Variants in NMNAT2 observed in about 807,000 individuals in gnomAD.
NMNAT2 encodes nicotinamide/nicotinic acid mononucleotide adenylyltransferase 2.
Under a neutral mutation model 41.6 loss-of-function variants are expected in NMNAT2, and 11 were observed. The ratio of observed to expected loss-of-function variants is 0.26; its 90% CI spans 0.17 to 0.44. The LOEUF (loss-of-function observed/expected upper bound fraction) is 0.44, where lower values mean the gene tolerates loss of function less well. Ranked by LOEUF, NMNAT2 falls within the 20% of genes least tolerant of loss-of-function variation. The probability of loss-of-function intolerance (pLI) is 1.00; values close to 1 mark genes in which losing one functional copy is unlikely to be tolerated. For synonymous variants in NMNAT2, 148 were observed against 151.2 expected, an observed-to-expected ratio of 0.98 and a Z score of 0.16; for missense variants, 288 against 407.7, an observed-to-expected ratio of 0.71 and a Z score of 2.53.
At chr1:183,389,608 T>C (rs374136316) in intron 1 of NMNAT2, among the ~76,000 whole-genome samples, 1 of 151,342 alleles carries the variant, frequency 6.6e-6, no homozygotes, top group Non-Finnish European at 1.5e-5. Flanking sequence ...GGGGGGCACA[T>C]GCCTGTAGTC....
chr1:183,253,904 C>CGTGT (rs139756017), intron 10 of NMNAT2, among the ~76,000 whole-genome samples: 2,962 of 144,320 alleles, frequency 0.021, 41 homozygotes, highest in African/African-American at 0.034. Context: ...GTTCCACTTC[C>CGTGT]GTGTGTGTGT....
At chr1:183,338,404 G>A (rs1228974952) in intron 1 of NMNAT2, among the ~76,000 whole-genome samples, 1 of 152,114 alleles carries the variant, frequency 6.6e-6, no homozygotes, top group Non-Finnish European at 1.5e-5. Flanking sequence ...CAACAGTGTA[G>A]AAATAGCATA....
intron 3 of NMNAT2, among the ~76,000 whole-genome samples, chr1:183,291,245 A>T (rs1023767032): frequency 6.6e-6 from 1 of 151,998 alleles, no homozygotes; most frequent in Non-Finnish European, 1.5e-5. Context: ...GCAGTCATGC[A>T]TCCCCTTAAC....
At chr1:183,349,539 A>G (rs1662999967) in intron 1 of NMNAT2, among the ~76,000 whole-genome samples, 1 of 152,272 alleles carries the variant, frequency 6.6e-6, no homozygotes, top group Non-Finnish European at 1.5e-5. Flanking sequence ...TCTGCATTTT[A>G]CAGTCTGTTT....
At chr1:183,379,641 CAT>C (rs1402029001) in intron 1 of NMNAT2, among the ~76,000 whole-genome samples, 1 of 152,078 alleles carries the variant, frequency 6.6e-6, no homozygotes, top group Non-Finnish European at 1.5e-5. Flanking sequence ...TAAAAAGAGA[CAT>C]ATAAAAACAA....
At chr1:183,344,146 A>G (rs1662876539) in intron 1 of NMNAT2, among the ~76,000 whole-genome samples, 1 of 152,138 alleles carries the variant, frequency 6.6e-6, no homozygotes, top group South Asian at 2.1e-4. Context: ...TTTCATCATC[A>G]TTATACTCAT....
At chr1:183,308,256 G>A (rs1277811241) in intron 1 of NMNAT2, among the ~76,000 whole-genome samples, 3 of 152,206 alleles carry the variant, frequency 2.0e-5, no homozygotes, top group Admixed American at 6.5e-5. Flanking sequence ...TGTGAAATAA[G>A]ATACCACTGT....
At chr1:183,401,572 C>T (rs1648809236) in intron 1 of NMNAT2, among the ~76,000 whole-genome samples, 1 of 152,134 alleles carries the variant, frequency 6.6e-6, no homozygotes, top group Non-Finnish European at 1.5e-5. Flanking sequence ...TGGGTGTATA[C>T]CCAAAGGAAT....
chr1:183,381,587 C>G (rs1272181521), intron 1 of NMNAT2, among the ~76,000 whole-genome samples: 1 of 152,066 alleles, frequency 6.6e-6, no homozygotes, highest in Non-Finnish European at 1.5e-5. Context: ...ATCCCAGTTA[C>G]TTGGGAAGCT....
intron 1 of NMNAT2, among the ~76,000 whole-genome samples, chr1:183,305,738 A>G (rs1380037836): frequency 2.7e-5 from 2 of 74,144 alleles, no homozygotes; most frequent in African/African-American, 1.0e-4. Flanking sequence ...TTTTTTTTTA[A>G]AGAAAGAGTT....
chr1:183,260,853 C>A, intron 10 of NMNAT2, 149 bp downstream of exon 10: 1 of 611,854 alleles, frequency 1.6e-6, no homozygotes, highest in Non-Finnish European at 2.9e-6. Flanking sequence ...TGTAAAATGG[C>A]TGTGAACAAA....
At chr1:183,390,238 A>C (rs1648439507) in intron 1 of NMNAT2, among the ~76,000 whole-genome samples, 1 of 152,226 alleles carries the variant, frequency 6.6e-6, no homozygotes, top group Non-Finnish European at 1.5e-5. Context: ...GGTACCAGTC[A>C]GCCTTGGAAA....
chr1:183,271,846 G>C (rs776445444), intron 8 of NMNAT2, among the ~76,000 whole-genome samples: 2 of 152,064 alleles, frequency 1.3e-5, no homozygotes, highest in Middle Eastern at 3.4e-3. Flanking sequence ...TGCACCTCCC[G>C]GGTTCAAGCA....
At position 183,287,447 on chromosome 1, in the gene NMNAT2, C is replaced by T. The variant is rs181840677; in HGVS notation, c.322-659G>A. ...AAGCAGGGTGGGTGGGTTCTGAGCA[C>T]TCTCTCGCCTGCTCAGTGTGAATAC... On this transcript the variant is annotated intron_variant, in intron 4 of 10. Coordinates refer to ENST00000287713, the MANE Select transcript of NMNAT2 (RefSeq NM_015039.4). 1.2e-3 allele frequency among the ~76,000 whole-genome samples: 178 copies of T among 152,290 alleles called. 2 individuals carry two copies. The highest frequency in any genetic ancestry group is 6.1e-3 in the Admixed American group (94 of 15,294).
intron 1 of NMNAT2, among the ~76,000 whole-genome samples, chr1:183,304,251 T>C (rs778621357): frequency 5.9e-5 from 9 of 152,236 alleles, no homozygotes; most frequent in Non-Finnish European, 1.0e-4. Context: ...GAAGATATGA[T>C]ATTTTGCAGG....
chr1:183,415,774 G>C (rs1263694615), intron 1 of NMNAT2, among the ~76,000 whole-genome samples: 3 of 152,164 alleles, frequency 2.0e-5, no homozygotes, highest in Non-Finnish European at 4.4e-5. Flanking sequence ...AATTTATCCA[G>C]AGCTCAAAGA....
chr1:183,417,338 C>T (rs894287596), intron 1 of NMNAT2, among the ~76,000 whole-genome samples: 1 of 152,178 alleles, frequency 6.6e-6, no homozygotes, highest in Non-Finnish European at 1.5e-5. Flanking sequence ...CCCCTCCCCC[C>T]AACACGCACA....
chr1:183,276,539 G>T (rs189637774), intron 8 of NMNAT2, among the ~76,000 whole-genome samples: 1 of 152,142 alleles, frequency 6.6e-6, no homozygotes, highest in African/African-American at 2.4e-5. Flanking sequence ...TAAGTTTCAC[G>T]CTCCAGGAAG....
intron 1 of NMNAT2, among the ~76,000 whole-genome samples, chr1:183,331,184 G>A (rs981488668): frequency 6.6e-6 from 1 of 152,140 alleles, no homozygotes; most frequent in Non-Finnish European, 1.5e-5. Context: ...TGAGGGGCAG[G>A]TGGGGGTGGC....
Sources: allele counts gnomAD v4.1 joint callset (sites outside exome capture counted in the v4.1 genomes callset), GRCh38; gene constraint gnomAD v4.1.1; transcripts MANE v1.5; gene names NCBI Gene and HGNC (gene_info 2026-07-23, HGNC 2026-07-21).